The following PTPRN2 variants were observed in gnomAD, a reference collection of about 807,000 sequenced individuals.
PTPRN2 encodes protein tyrosine phosphatase receptor type N2, also known as receptor-type tyrosine-protein phosphatase N2.
Under a neutral mutation model 118.8 loss-of-function variants are expected in PTPRN2, and 74 were observed. The observed-to-expected ratio is 0.62, with a 90% CI of 0.52 to 0.76. PTPRN2 has a LOEUF of 0.76. PTPRN2 is among the 30% of genes least tolerant of loss of function. The pLI, the probability that PTPRN2 is intolerant of heterozygous loss-of-function variation, is 0.00. For synonymous variants in PTPRN2, 641 were observed against 608.0 expected, an observed-to-expected ratio of 1.05 and a Z score of -0.80; for missense variants, 1,481 against 1,394.4, an observed-to-expected ratio of 1.06 and a Z score of -0.99.
intron 4 of PTPRN2, among the ~76,000 whole-genome samples, chr7:158,199,845 G>C (rs1384864204): frequency 6.6e-6 from 1 of 152,216 alleles, no homozygotes; most frequent in African/African-American, 2.4e-5. Context: ...CAGCTCCTGG[G>C]AGTGGGGAGT....
At chr7:157,683,281 G>A (rs1797000106) in intron 12 of PTPRN2, among the ~76,000 whole-genome samples, 2 of 152,300 alleles carry the variant, frequency 1.3e-5, no homozygotes, top group South Asian at 4.1e-4. Flanking sequence ...GGGCACAGCA[G>A]TTTGTCCAGA....
At chr7:158,091,116 T>C (rs1218521484) in intron 10 of PTPRN2, among the ~76,000 whole-genome samples, 1 of 152,242 alleles carries the variant, frequency 6.6e-6, no homozygotes, top group Non-Finnish European at 1.5e-5. Flanking sequence ...GTAACGACTA[T>C]ACAGTCGATA....
chr7:158,035,657 A>G (rs1331007596), intron 11 of PTPRN2, among the ~76,000 whole-genome samples: 2 of 152,238 alleles, frequency 1.3e-5, no homozygotes, highest in African/African-American at 4.8e-5. Flanking sequence ...TCTGGATGAA[A>G]ACACAAATGC....
At chr7:158,017,221 C>G (rs1014255628) in intron 11 of PTPRN2, among the ~76,000 whole-genome samples, 17 of 152,312 alleles carry the variant, frequency 1.1e-4, no homozygotes, top group Admixed American at 9.8e-4. Context: ...AATGAAGGAG[C>G]TTGTTTCAGA....
intron 12 of PTPRN2, among the ~76,000 whole-genome samples, chr7:157,698,351 C>T (rs1456097971): frequency 6.6e-6 from 1 of 152,278 alleles, no homozygotes; most frequent in East Asian, 1.9e-4. Flanking sequence ...CTCATGCTGG[C>T]TCATATGCCG....
chr7:158,431,997 G>A (rs1816243425), intron 2 of PTPRN2, among the ~76,000 whole-genome samples: 1 of 152,166 alleles, frequency 6.6e-6, no homozygotes. Context: ...GCAGATTCTC[G>A]TCCAGCATCC....
intron 11 of PTPRN2, among the ~76,000 whole-genome samples, chr7:158,024,392 T>A (rs969963109): frequency 6.6e-6 from 1 of 152,126 alleles, no homozygotes; most frequent in Non-Finnish European, 1.5e-5. Context: ...AAATAATCGC[T>A]CTGCAGCCCT....
chr7:158,397,907 C>G (rs1812650450), intron 2 of PTPRN2, among the ~76,000 whole-genome samples: 3 of 152,092 alleles, frequency 2.0e-5, no homozygotes, highest in Admixed American at 2.0e-4. Flanking sequence ...GGAGGGTTTT[C>G]CAATGCCATG....
At chr7:158,327,369 A>T (rs905963351) in intron 2 of PTPRN2, among the ~76,000 whole-genome samples, 5 of 129,032 alleles carry the variant, frequency 3.9e-5, no homozygotes, top group Non-Finnish European at 8.7e-5. Context: ...ACATTGTCAC[A>T]CACACATTAT....
chr7:158,012,930 G>A (rs1332944830), intron 11 of PTPRN2, among the ~76,000 whole-genome samples: 1 of 152,200 alleles, frequency 6.6e-6, no homozygotes, highest in African/African-American at 2.4e-5. Context: ...AGAAGAAGAG[G>A]AAAGTAGACC....
intron 12 of PTPRN2, among the ~76,000 whole-genome samples, chr7:157,840,182 CGTGT>C (rs1808283930): frequency 1.8e-5 from 2 of 113,370 alleles, no homozygotes; most frequent in Admixed American, 1.9e-4. Context: ...ACTGTGTGAC[CGTGT>C]GTGACTGTGA....
intron 12 of PTPRN2, among the ~76,000 whole-genome samples, chr7:157,760,641 C>A (rs1236318366): frequency 6.6e-6 from 1 of 152,166 alleles, no homozygotes; most frequent in Non-Finnish European, 1.5e-5. Flanking sequence ...ACCCCATCAC[C>A]ATTGCTATTC....
chr7:157,961,589 G>T (rs888829905), intron 11 of PTPRN2, among the ~76,000 whole-genome samples: 1 of 152,060 alleles, frequency 6.6e-6, no homozygotes, highest in South Asian at 2.1e-4. Context: ...TAAAAAGAGG[G>T]CAGGAAAGTG....
chr7:158,447,337 C>A (rs572811792), intron 2 of PTPRN2, among the ~76,000 whole-genome samples: 68 of 152,290 alleles, frequency 4.5e-4, no homozygotes, highest in African/African-American at 1.6e-3. Flanking sequence ...AGCTAAATAC[C>A]TAATTGGCTG....
At chr7:157,663,937 G>T (rs112282491) in intron 13 of PTPRN2, among the ~76,000 whole-genome samples, 5 of 152,360 alleles carry the variant, frequency 3.3e-5, no homozygotes, top group African/African-American at 1.2e-4. Context: ...TAATGGTTTA[G>T]CCAGTGCCAA....
In PTPRN2 at chr7:158,081,340, T is replaced by C; in HGVS notation, c.1681A>G (p.Asn561Asp). 6.2e-7 allele frequency: 1 copy of C among 1,614,178 alleles called. No individual in the cohort carries two copies. The change falls in exon 11 of 23, where the codon AAT becomes GAT. Residue 561 changes from asparagine (N) to aspartate (D), a missense_variant. This residue lies in a region of PTPRN2 where 1,115 missense variants were observed against 994.2 expected (regional missense o/e 1.12). Coordinates refer to ENST00000389418, the MANE Select transcript of PTPRN2 (RefSeq NM_002847.5). ...TCCTCAGTGGTCACGTTTTGGACAT[T>C]GGCGCTCACTTTGAAGGTCACTGCT... ...GPAVTFKVSA[N>D]VQNVTTEDVE...
chr7:158,138,947 G>GACACCCTGCCCAGC (rs199845709), intron 6 of PTPRN2, among the ~76,000 whole-genome samples: 47 of 143,348 alleles, frequency 3.3e-4, no homozygotes, highest in Non-Finnish European at 5.3e-4. Context: ...CCCTGCCCAG[G>GACACCCTGCCCAGC]ACACCCTGCC....
At chr7:158,585,358 G>A (rs1407553925) in intron 1 of PTPRN2, among the ~76,000 whole-genome samples, 1 of 152,198 alleles carries the variant, frequency 6.6e-6, no homozygotes, top group Admixed American at 6.5e-5. Context: ...CTATACCACT[G>A]GGGCAGTTTC....
intron 12 of PTPRN2, among the ~76,000 whole-genome samples, chr7:157,804,286 A>G (rs1449218963): frequency 1.3e-5 from 2 of 152,178 alleles, no homozygotes; most frequent in African/African-American, 4.8e-5. Flanking sequence ...TACTTCATGA[A>G]ACAATTTGCT....
Sources: allele counts gnomAD v4.1 joint callset (sites outside exome capture counted in the v4.1 genomes callset), GRCh38; gene constraint gnomAD v4.1.1; regional missense constraint gnomAD v4.1.1; transcripts MANE v1.5; gene names NCBI Gene and HGNC (gene_info 2026-07-23, HGNC 2026-07-21).